POLQ: variants seen among roughly 807,000 people sequenced by gnomAD.
POLQ encodes epididymis secretory sperm binding protein.
In POLQ, 233 loss-of-function variants were observed where a neutral mutation model predicts 259.2. The ratio of observed to expected loss-of-function variants is 0.90; its 90% CI spans 0.81 to 1.00. POLQ has a LOEUF of 1.00. Among genes scored for constraint, POLQ ranks in the 50% least tolerant of loss-of-function variants. The pLI, the probability that POLQ is intolerant of heterozygous loss-of-function variation, is 0.00. For synonymous variants in POLQ, 1,025 were observed against 1,048.8 expected (o/e 0.98, Z 0.44); for missense variants, 2,871 against 3,051.6 (o/e 0.94, Z 1.39).
At chr3:121,540,091 A>T (rs2048480190) in intron 3 of POLQ, among the ~76,000 whole-genome samples, 1 of 152,000 alleles carries the variant, frequency 6.6e-6, no homozygotes, top group Non-Finnish European at 1.5e-5. Flanking sequence ...TTTAACTAAC[A>T]TACCTTTCAA....
chr3:121,470,807 T>C (rs1347170185), intron 22 of POLQ, among the ~76,000 whole-genome samples: 4 of 152,156 alleles, frequency 2.6e-5, no homozygotes, highest in Non-Finnish European at 5.9e-5. Flanking sequence ...GACATGGTTT[T>C]GACTTTCTAT....
intron 9 of POLQ, among the ~76,000 whole-genome samples, chr3:121,515,521 C>T (rs1298564872): frequency 6.6e-6 from 1 of 152,248 alleles, no homozygotes; most frequent in African/African-American, 2.4e-5. Context: ...GACTGCAGAG[C>T]TCAGCTTGTG....
chr3:121,520,407 G>A (rs1352394508), intron 8 of POLQ, among the ~76,000 whole-genome samples: 1 of 152,086 alleles, frequency 6.6e-6, no homozygotes, highest in East Asian at 1.9e-4. Flanking sequence ...ATGGTGGTGG[G>A]TGCCTGTAAT....
At chr3:121,482,815 A>G (rs1175947014) in intron 18 of POLQ, among the ~76,000 whole-genome samples, 1 of 152,150 alleles carries the variant, frequency 6.6e-6, no homozygotes, top group Admixed American at 6.5e-5. Flanking sequence ...TTAAGAATAA[A>G]GTTTTATAGG....
At position 121,439,930 on chromosome 3, in the gene POLQ, C is replaced by A. The variant is rs1261676036; in HGVS notation, c.7389+62G>T. ...AAAACGGATATTTGTAGTATTTACT[C>A]TGCTGAAAAAGTACATGTCATTGAA... On this transcript the variant is annotated intron_variant, in intron 27 of 29. Coordinates refer to ENST00000264233, the MANE Select transcript of POLQ (RefSeq NM_199420.4). The A allele has an allele frequency of 4.2e-6, 6 of 1,413,716 alleles. No homozygotes were observed. The East Asian group carries it at 1.1e-4, about 27-fold the overall frequency. The allele number at this position is 1,413,716 out of a possible 1,614,324, so 87.6% of individuals were successfully genotyped here.
At chr3:121,452,263 G>A (rs370913981) in intron 25 of POLQ, among the ~76,000 whole-genome samples, 5 of 152,054 alleles carry the variant, frequency 3.3e-5, no homozygotes, top group Admixed American at 6.6e-5. Flanking sequence ...GCCCTGCTTC[G>A]GCTCACGCTC....
intron 12 of POLQ, among the ~76,000 whole-genome samples, chr3:121,506,791 C>T (rs922163970): frequency 1.3e-5 from 2 of 152,174 alleles, no homozygotes; most frequent in African/African-American, 4.8e-5. Context: ...AAACTAAACA[C>T]TGTGTGTACC....
At chr3:121,455,824 A>G (rs1370434266) in intron 25 of POLQ, among the ~76,000 whole-genome samples, 2 of 152,202 alleles carry the variant, frequency 1.3e-5, no homozygotes, top group Non-Finnish European at 2.9e-5. Context: ...AACTGGTACC[A>G]TTCCTTCTGA....
intron 26 of POLQ, among the ~76,000 whole-genome samples, chr3:121,448,491 G>A (rs535771910): frequency 4.2e-4 from 64 of 151,800 alleles, no homozygotes; most frequent in South Asian, 4.2e-4. Flanking sequence ...CTCAGCCTCC[G>A]AGTAGCTGGG....
rs2048422520 is a variant in POLQ, at chr3:121,533,023, A to G, written c.927T>C (p.Leu309=). 1 of 1,612,528 alleles carries G rather than the reference A, an allele frequency of 6.2e-7. No homozygotes were observed. Among genetic ancestry groups the G allele is most frequent in the African/African-American group, 1.3e-5 (1 of 74,884 alleles). The stretch of plus-strand genomic sequence containing the variant: ...GTAGCATGGGCTCAAATTCCCTCAC[A>G]AGTTTCATTGAAGAGTCATATATGG... ...GNSIYDSSMK[L]VREFEPMLQV... The change falls in exon 6 of 30, where the codon CTT becomes CTC. Residue 309 remains leucine (L), a synonymous_variant. Transcript: ENST00000264233.
chr3:121,476,685 A>C lies in POLQ; in HGVS notation c.6260T>G (p.Leu2087Arg). The change falls in exon 20 of 30, where the codon CTA (leucine) becomes CGA (arginine). Residue 2087 changes from leucine to arginine, a missense_variant. Physicochemically the swap from Leu to Arg is moderately radical, Grantham distance 102. Around this residue, in one of 3 missense-constraint regions of POLQ, gnomAD observed 2,080 missense variants for 2,126.0 expected, o/e 0.98. Transcript: ENST00000264233. The stretch of plus-strand genomic sequence containing the variant: ...ACTAAAGCCAATTCCATTTAGTTCT[A>C]GCAAGGCCAAGCAGTACTGAGAGGG... ...EMPSQYCLAL[L>R]ELNGIGFSTA... 5.0e-6 allele frequency: 8 copies of C among 1,613,672 alleles called. No individual in the cohort carries two copies. The highest frequency in any genetic ancestry group is 6.8e-6 in the Non-Finnish European group (8 of 1,179,694).
At chr3:121,451,862 T>A (rs931515483) in intron 25 of POLQ, among the ~76,000 whole-genome samples, 3 of 152,236 alleles carry the variant, frequency 2.0e-5, no homozygotes, top group Non-Finnish European at 2.9e-5. Flanking sequence ...TGCCTTTTGT[T>A]TGGCTATGCC....
In POLQ at chr3:121,487,727, A is replaced by G; in HGVS notation, c.5204T>C (p.Ile1735Thr). 6.2e-7 allele frequency: 1 copy of G among 1,613,804 alleles called. No individual in the cohort carries two copies. The highest frequency in any genetic ancestry group is 1.1e-5 in the South Asian group (1 of 91,048). The stretch of plus-strand genomic sequence containing the variant: ...AGATGTTGGAATGGGTGTAGGAGGA[A>G]TGAGACCATTATCATCAACTATATT... ...ESNIVDDNGL[I>T]PPTPIPTSAS... The change falls in exon 16 of 30, where the codon ATT becomes ACT. Residue 1735 changes from isoleucine to threonine, a missense_variant. Around this residue, in one of 3 missense-constraint regions of POLQ, gnomAD observed 2,080 missense variants for 2,126.0 expected, o/e 0.98. Transcript: ENST00000264233.
chr3:121,469,796 TTTGCTATGCTTAAG>T (rs1359538359), intron 22 of POLQ, among the ~76,000 whole-genome samples: 4 of 152,190 alleles, frequency 2.6e-5, no homozygotes, highest in African/African-American at 9.6e-5. Flanking sequence ...ATGAAATGGC[TTTGCTATGCTTAAG>T]TTTGTATTTC....
rs1034600412 is a variant in POLQ at position 121,489,763 on chromosome 3, G to T, written c.3168C>A (p.Pro1056=). ...TTCTACACGCTCCAGAGTCTTTCAG[G>T]GGGCTGCTGTCCCTAGATCGCTTTA... is the stretch of plus-strand genomic sequence containing the variant. ...KHLKRSRDSS[P]LKDSGACRIH... The change falls in exon 16 of 30, where the codon CCC becomes CCA. Residue 1056 remains proline (P), a synonymous_variant. Transcript: ENST00000264233. 1.2e-6 allele frequency: 2 copies of T among 1,611,950 alleles called. No individual in the cohort carries two copies.
chr3:121,517,660 G>A (rs1305517097), intron 9 of POLQ, among the ~76,000 whole-genome samples: 4 of 152,204 alleles, frequency 2.6e-5, no homozygotes, highest in Admixed American at 6.5e-5. Context: ...AAAGGGCAGG[G>A]CATGCTCTTT....
At chr3:121,453,757 G>T (rs2047703054) in intron 25 of POLQ, among the ~76,000 whole-genome samples, 1 of 152,144 alleles carries the variant, frequency 6.6e-6, no homozygotes, top group Admixed American at 6.5e-5. Flanking sequence ...ATGTCTCACT[G>T]GTGTATCTGA....
At chr3:121,476,451 T>G in intron 20 of POLQ, 89 bp downstream of exon 20, 1 of 884,342 alleles carries the variant, frequency 1.1e-6, no homozygotes, top group Non-Finnish European at 1.6e-6. Context: ...GGTGTTCAGG[T>G]AAATACACAC....
intron 22 of POLQ, among the ~76,000 whole-genome samples, chr3:121,470,641 C>T (rs1271115308): frequency 6.6e-6 from 1 of 152,170 alleles, no homozygotes; most frequent in Non-Finnish European, 1.5e-5. Context: ...GACAGGGTCT[C>T]ACTCTGTTGC....
Sources: gnomAD v4.1 joint callset for allele counts (sites outside exome capture counted in the v4.1 genomes callset) on GRCh38, gnomAD v4.1.1 for gene constraint, gnomAD v4.1.1 regional missense constraint, MANE v1.5 for transcripts, NCBI Gene and HGNC (gene_info 2026-07-23, HGNC 2026-07-21) for gene names.